Variants in HECW1 observed in about 807,000 individuals in gnomAD.
The protein encoded by HECW1 is HECT, C2 and WW domain containing E3 ubiquitin protein ligase 1.
HECW1 carries 61 observed loss-of-function variants against 182.3 expected under a neutral mutation model. The ratio of observed to expected loss-of-function variants is 0.33; its 90% CI spans 0.27 to 0.41. The LOEUF is 0.41. Ranked by LOEUF, HECW1 falls within the 10% of genes least tolerant of loss-of-function variation. HECW1 has a pLI of 1.00. For synonymous variants in HECW1, 859 were observed against 832.6 expected, an observed-to-expected ratio of 1.03 and a Z score of -0.55; for missense variants, 1,739 against 2,108.9, an observed-to-expected ratio of 0.82 and a Z score of 3.44.
chr7:43,295,990 A>G (rs1375756522), intron 3 of HECW1, among the ~76,000 whole-genome samples: 2 of 152,230 alleles, frequency 1.3e-5, no homozygotes, highest in Non-Finnish European at 2.9e-5. Flanking sequence ...CTTAATTAGC[A>G]TTACTTATAA....
At chr7:43,163,586 C>T (rs566815903) in intron 2 of HECW1, among the ~76,000 whole-genome samples, 43 of 152,260 alleles carry the variant, frequency 2.8e-4, no homozygotes, top group African/African-American at 9.1e-4. Context: ...ACAAGTCACC[C>T]TCATGCTCCT....
chr7:43,133,972 T>G (rs1382456486), intron 2 of HECW1, among the ~76,000 whole-genome samples: 2 of 152,222 alleles, frequency 1.3e-5, no homozygotes. Context: ...AGCTGTACAT[T>G]GTCACATGTA....
intron 11 of HECW1, among the ~76,000 whole-genome samples, chr7:43,450,577 A>C (rs1317082868): frequency 6.6e-6 from 1 of 152,062 alleles, no homozygotes; most frequent in Non-Finnish European, 1.5e-5. Flanking sequence ...ACAGAATCAG[A>C]CTCAAATCCT....
intron 2 of HECW1, among the ~76,000 whole-genome samples, chr7:43,148,429 C>T (rs1788945762): frequency 6.6e-6 from 1 of 151,738 alleles, no homozygotes; most frequent in African/African-American, 2.4e-5. Context: ...CTGCATGTCT[C>T]TGTGTCCTCA....
At position 43,345,368 on chromosome 7, in the gene HECW1, A is replaced by G. The variant is rs374902297; in HGVS notation, c.461-15518A>G. ...AGCCAGAACCAGTCTATGGTTGGCA[A>G]TCTCTTATCAGAAGAAAGTTACTGA... On this transcript the variant is annotated intron_variant, in intron 5 of 29. Transcript: ENST00000395891. Among the ~76,000 whole-genome samples the G allele has an allele frequency of 1.5e-4, 23 of 152,314 alleles. No homozygotes were observed. The East Asian group carries it at 4.4e-3, about 29-fold the overall frequency.
intron 13 of HECW1, among the ~76,000 whole-genome samples, chr7:43,458,873 C>T (rs895187156): frequency 2.0e-5 from 3 of 152,150 alleles, no homozygotes; most frequent in African/African-American, 7.2e-5. Flanking sequence ...CAAGGAGTTT[C>T]CCTTGAGCTG....
intron 2 of HECW1, among the ~76,000 whole-genome samples, chr7:43,193,420 C>T (rs910927042): frequency 4.6e-5 from 7 of 151,988 alleles, no homozygotes; most frequent in South Asian, 2.1e-4. Context: ...CTTGCTCTGT[C>T]GCCCAGGCTG....
intron 5 of HECW1, among the ~76,000 whole-genome samples, chr7:43,330,922 T>C (rs978720745): frequency 1.3e-5 from 2 of 152,162 alleles, no homozygotes; most frequent in Admixed American, 1.3e-4. Context: ...ACAGTGGCTC[T>C]GAGAAGGTAA....
At chr7:43,536,220 A>T (rs900885467) in intron 24 of HECW1, among the ~76,000 whole-genome samples, 1 of 152,236 alleles carries the variant, frequency 6.6e-6, no homozygotes, top group Non-Finnish European at 1.5e-5. Flanking sequence ...ATGGGTGGAA[A>T]CACATCTCTA....
chr7:43,404,023 C>T (rs1190349087), intron 7 of HECW1, among the ~76,000 whole-genome samples: 2 of 152,126 alleles, frequency 1.3e-5, no homozygotes, highest in Admixed American at 6.5e-5. Flanking sequence ...TCTATGTGCT[C>T]TTATGGACAT....
intron 6 of HECW1, among the ~76,000 whole-genome samples, chr7:43,374,411 A>G (rs919664015): frequency 6.6e-6 from 1 of 152,238 alleles, no homozygotes; most frequent in Non-Finnish European, 1.5e-5. Context: ...ACCACGGGAA[A>G]AGGAATTACT....
chr7:43,550,081 G>A (rs1022023278), intron 26 of HECW1, among the ~76,000 whole-genome samples: 6 of 151,334 alleles, frequency 4.0e-5, no homozygotes, highest in Non-Finnish European at 5.9e-5. Flanking sequence ...AGACTAGCCT[G>A]GGCAACATAG....
intron 3 of HECW1, among the ~76,000 whole-genome samples, chr7:43,293,018 A>G (rs1239908779): frequency 6.6e-6 from 1 of 152,188 alleles, no homozygotes; most frequent in East Asian, 1.9e-4. Context: ...AGGTCAGGAG[A>G]TCAAGATCAT....
intron 7 of HECW1, among the ~76,000 whole-genome samples, chr7:43,403,766 A>G (rs2075507650): frequency 1.3e-5 from 2 of 152,210 alleles, no homozygotes; most frequent in East Asian, 1.9e-4. Flanking sequence ...GCAAAGAAAA[A>G]TACTAGGAGG....
intron 16 of HECW1, among the ~76,000 whole-genome samples, chr7:43,472,865 A>C (rs2078077122): frequency 6.6e-6 from 1 of 152,218 alleles, no homozygotes; most frequent in African/African-American, 2.4e-5. Context: ...AGAAATCCAC[A>C]GACACAAAAA....
At chr7:43,338,855 CTTTTAGTG>C (rs1812617530) in intron 5 of HECW1, among the ~76,000 whole-genome samples, 1 of 151,290 alleles carries the variant, frequency 6.6e-6, no homozygotes, top group Non-Finnish European at 1.5e-5. Flanking sequence ...TTTAGTATTT[CTTTTAGTG>C]CAATCCCACT....
At chr7:43,173,923 T>G (rs1210940338) in intron 2 of HECW1, among the ~76,000 whole-genome samples, 9 of 152,020 alleles carry the variant, frequency 5.9e-5, no homozygotes, top group Non-Finnish European at 1.0e-4. Context: ...CACTGCAGAC[T>G]ACGACTCCTG....
chr7:43,274,228 C>T (rs1228208127), intron 3 of HECW1: 1 of 602,236 alleles, frequency 1.7e-6, no homozygotes, highest in Non-Finnish European at 2.9e-6. Context: ...AAATGCCACA[C>T]ACTGCCCCTC....
chr7:43,401,361 A>T (rs535430191), intron 7 of HECW1, among the ~76,000 whole-genome samples: 31 of 152,314 alleles, frequency 2.0e-4, no homozygotes, highest in Middle Eastern at 3.4e-3. Context: ...ACGAGGGAAA[A>T]AAAGATGAAT....
Sources: allele counts gnomAD v4.1 joint callset (sites outside exome capture counted in the v4.1 genomes callset), GRCh38; gene constraint gnomAD v4.1.1; transcripts MANE v1.5; gene names NCBI Gene and HGNC (gene_info 2026-07-23, HGNC 2026-07-21).